Variants in SNRPD1 observed in about 807,000 individuals in gnomAD.
SNRPD1 encodes the protein small nuclear ribonucleoprotein Sm D1.
SNRPD1 carries 1 observed loss-of-function variant against 14.4 expected under a neutral mutation model. That is an observed-to-expected ratio of 0.07 (90% CI 0.02 to 0.33). The LOEUF is 0.33. SNRPD1 is among the 10% of genes least tolerant of loss of function. The pLI, the probability that SNRPD1 is intolerant of heterozygous loss-of-function variation, is 1.00. For missense variants in SNRPD1, 52 were observed against 146.4 expected (o/e 0.36, Z 3.33); for synonymous variants, 42 against 50.3 (o/e 0.83, Z 0.70).
rs1002575067 is a variant in SNRPD1, at chr18:21,631,409, T to G, written c.*2271T>G. On this transcript the variant is annotated 3_prime_UTR_variant, in exon 4 of 4. Transcript: ENST00000300413. ...TTGGCTTGACAAGATACAACCAATATGTAATTTTTCTCCACACGTTTTTTT... is the reference window on the plus strand; with the variant it reads ...TTGGCTTGACAAGATACAACCAATAGGTAATTTTTCTCCACACGTTTTTTT... The G allele has an allele frequency of 6.8e-6, 1 of 147,824 alleles. No individual in the cohort carries two copies. Among genetic ancestry groups the G allele is most frequent in the Non-Finnish European group, 1.5e-5 (1 of 67,472 alleles). 9.2% of individuals were successfully genotyped at this position (147,824 alleles called of 1,614,324 possible).
chr18:21,619,774 C>T (rs1208934337), intron 1 of SNRPD1, among the ~76,000 whole-genome samples: 4 of 151,066 alleles, frequency 2.6e-5, no homozygotes, highest in Non-Finnish European at 4.4e-5. Context: ...AGCGAGACTC[C>T]GTCTCAAAAA....
chr18:21,624,032 C>A, intron 3 of SNRPD1, 93 bp downstream of exon 3: 1 of 756,480 alleles, frequency 1.3e-6, no homozygotes, highest in Non-Finnish European at 2.2e-6. Flanking sequence ...ACACAAGTGT[C>A]TTTGTTGTTT....
At chr18:21,621,862 T>C (rs2039000676) in intron 1 of SNRPD1, among the ~76,000 whole-genome samples, 1 of 152,136 alleles carries the variant, frequency 6.6e-6, no homozygotes, top group Non-Finnish European at 1.5e-5. Flanking sequence ...TAAATAGGCA[T>C]GAGCCATCAC....
chr18:21,622,933 T>G, intron 2 of SNRPD1, 132 bp downstream of exon 2: 1 of 515,076 alleles, frequency 1.9e-6, no homozygotes, highest in Non-Finnish European at 3.5e-6. Context: ...TATGTAATTT[T>G]TTTTTTTTTT....
intron 1 of SNRPD1, among the ~76,000 whole-genome samples, chr18:21,613,123 A>G (rs2038931608): frequency 6.6e-6 from 1 of 152,238 alleles, no homozygotes; most frequent in South Asian, 2.1e-4. Context: ...AAATTATCAC[A>G]ACGTAATTGT....
At chr18:21,615,631 AAAG>A (rs1415388516) in intron 1 of SNRPD1, among the ~76,000 whole-genome samples, 9 of 151,450 alleles carry the variant, frequency 5.9e-5, no homozygotes, top group African/African-American at 2.2e-4. Flanking sequence ...AAAAAAGAAA[AAAG>A]AAAAAAAAAG....
chr18:21,624,068 A>G, intron 3 of SNRPD1, 129 bp downstream of exon 3: 1 of 641,566 alleles, frequency 1.6e-6, no homozygotes, highest in South Asian at 2.1e-5. Context: ...ATGTATAGTA[A>G]TTCTTGGTGT....
intron 3 of SNRPD1, among the ~76,000 whole-genome samples, chr18:21,627,142 G>A (rs1336021543): frequency 4.0e-5 from 6 of 151,560 alleles, no homozygotes; most frequent in East Asian, 2.0e-4. Context: ...GGTGGTGGGC[G>A]CCTGCAGTCC....
At chr18:21,625,157 A>ACTAC (rs2039027053) in intron 3 of SNRPD1, among the ~76,000 whole-genome samples, 1 of 150,344 alleles carries the variant, frequency 6.7e-6, no homozygotes, top group Admixed American at 6.6e-5. Flanking sequence ...TTTTTTTTTT[A>ACTAC]CTACCTACCT....
intron 3 of SNRPD1, among the ~76,000 whole-genome samples, chr18:21,625,995 T>C (rs144983729): frequency 2.1e-3 from 315 of 152,368 alleles, no homozygotes; most frequent in Middle Eastern, 0.01. Context: ...TCATAAATAC[T>C]ATTTCAGAAG....
At chr18:21,617,655 A>G (rs189079985) in intron 1 of SNRPD1, among the ~76,000 whole-genome samples, 1 of 152,304 alleles carries the variant, frequency 6.6e-6, no homozygotes, top group Non-Finnish European at 1.5e-5. Flanking sequence ...TAGGCTTTCC[A>G]TGAAAGGAAC....
intron 3 of SNRPD1, among the ~76,000 whole-genome samples, chr18:21,626,445 T>TGA (rs2039039907): frequency 1.8e-5 from 2 of 109,170 alleles, no homozygotes; most frequent in African/African-American, 7.2e-5. Flanking sequence ...ATAATGAAAA[T>TGA]GAGTCTTCGT....
Position 21,630,483 on chromosome 18 carries a change from TGG to T in SNRPD1, c.*1347_*1348del, listed in dbSNP as rs752271057. 1 of 151,902 alleles carries T rather than the reference TGG, an allele frequency of 6.6e-6. No individual in the cohort carries two copies. The highest frequency in any genetic ancestry group is 1.9e-4 in the East Asian group (1 of 5,172). The allele number at this position is 151,902 out of a possible 1,614,324, so 9.4% of individuals were successfully genotyped here. A position where few individuals can be genotyped will look rare whatever the true frequency, so the allele number is the denominator to read the frequency against. ...ATCGTTACCTTAAAAAAGTTTAGCC[TGG>T]GTGTGGTGGCTCACGCCTGTAATCC... On this transcript the variant is annotated 3_prime_UTR_variant, in exon 4 of 4. Coordinates refer to ENST00000300413, the MANE Select transcript of SNRPD1 (RefSeq NM_006938.4).
intron 2 of SNRPD1, 81 bp from the exon 3 acceptor site, chr18:21,623,667 G>C: frequency 1.0e-6 from 1 of 993,822 alleles, no homozygotes. Flanking sequence ...TTGTAGTCCA[G>C]TATTTACTGT....
chr18:21,622,228 T>C (rs1183661544), intron 1 of SNRPD1, among the ~76,000 whole-genome samples: 11 of 151,840 alleles, frequency 7.2e-5, no homozygotes, highest in African/African-American at 2.7e-4. Context: ...AGAGCTCTGC[T>C]TCCCAGGTTC....
Position 21,633,223 on chromosome 18 carries a change from A to G in SNRPD1, c.*4085A>G, listed in dbSNP as rs1432104306. On this transcript the variant is annotated 3_prime_UTR_variant, in exon 4 of 4. Transcript: ENST00000300413. ...AAAGTGAAGGAATAGAAAATGAAAT[A>G]TCAGTTTCTTTTAATCTATCATAAT... The G allele has an allele frequency of 1.3e-5, 2 of 152,248 alleles. No homozygotes were observed. The highest frequency in any genetic ancestry group is 2.9e-5 in the Non-Finnish European group (2 of 68,050). The allele number at this position is 152,248 out of a possible 1,614,324, so 9.4% of individuals were successfully genotyped here. A position where few individuals can be genotyped will look rare whatever the true frequency, so the allele number is the denominator to read the frequency against.
intron 1 of SNRPD1, 111 bp downstream of exon 1, chr18:21,612,554 C>T (rs975334426): frequency 7.3e-6 from 6 of 819,408 alleles, no homozygotes; most frequent in Middle Eastern, 2.9e-4. Flanking sequence ...GTGTGCGCGG[C>T]CTGCTAACGG....
chr18:21,616,777 C>T (rs2038961086), intron 1 of SNRPD1, among the ~76,000 whole-genome samples: 1 of 151,884 alleles, frequency 6.6e-6, no homozygotes, highest in Non-Finnish European at 1.5e-5. Context: ...CCTCCACCTC[C>T]CAGGTTCAAG....
At chr18:21,620,968 C>T (rs1011367196) in intron 1 of SNRPD1, among the ~76,000 whole-genome samples, 45 of 151,792 alleles carry the variant, frequency 3.0e-4, no homozygotes, top group African/African-American at 1.1e-3. Flanking sequence ...TCAAGGCCAT[C>T]GTGGTTAACA....
Sources: allele counts gnomAD v4.1 joint callset (sites outside exome capture counted in the v4.1 genomes callset), GRCh38; gene constraint gnomAD v4.1.1; transcripts MANE v1.5; gene names NCBI Gene and HGNC (gene_info 2026-07-23, HGNC 2026-07-21).